The following ANKRD7 variants were observed in gnomAD, a reference collection of about 807,000 sequenced individuals.
ANKRD7 encodes ankyrin repeat domain-containing protein 7.
Under a neutral mutation model 30.8 loss-of-function variants are expected in ANKRD7, and 30 were observed. The ratio of observed to expected loss-of-function variants is 0.97; its 90% CI spans 0.73 to 1.32. The LOEUF is 1.32. ANKRD7 is among the 40% of genes most tolerant of loss of function. ANKRD7 has a pLI of 0.00. For missense variants in ANKRD7, 264 were observed against 295.7 expected (o/e 0.89, Z 0.79); for synonymous variants, 97 against 106.6 (o/e 0.91, Z 0.55).
At position 118,224,936 on chromosome 7, in the gene ANKRD7, G is replaced by A. The variant is rs1174442449; in HGVS notation, c.106G>A (p.Gly36Arg). ...LKKLHRAASV[G>R]DLKKLKEYLQ... ...GAAACTTCACAGAGCTGCTTCAGTC[G>A]GGGATTTGAAGAAGCTGAAGGAATA... The change falls in exon 1 of 7, where the codon GGG becomes AGG. Residue 36 changes from glycine to arginine, a missense_variant. Transcript: ENST00000265224. 2.5e-6 allele frequency: 4 copies of A among 1,614,128 alleles called. No homozygotes were observed. The East Asian group carries it at 6.7e-5, about 27-fold the overall frequency.
rs776419798 is a variant in ANKRD7, at chr7:118,235,611, CAAA to C, written c.469-410_469-408del. Among the ~76,000 whole-genome samples the C allele has an allele frequency of 4.4e-3, 213 of 48,334 alleles. 2 individuals are homozygous for C. The highest frequency in any genetic ancestry group is 0.015 in the African/African-American group (200 of 13,642). The allele number at this position is 48,334 out of a possible 152,430, so 31.7% of individuals were successfully genotyped here. ...TGGGCAACAGAGCAAGACTCTGTCTCAAAAAAAAAAAAAAAAAAAAAAGCGTAT... is the reference window on the plus strand; with the variant it reads ...TGGGCAACAGAGCAAGACTCTGTCTCAAAAAAAAAAAAAAAAAAAGCGTAT... On this transcript the variant is annotated intron_variant, in intron 3 of 6. Coordinates refer to ENST00000265224, the MANE Select transcript of ANKRD7 (RefSeq NM_019644.4).
rs930479924 is a variant in ANKRD7, at chr7:118,239,938, G to A, written c.742G>A (p.Gly248Arg). 75 of 1,597,394 alleles carry A rather than the reference G, an allele frequency of 4.7e-5. No individual in the cohort carries two copies. Among genetic ancestry groups the A allele is most frequent in the Non-Finnish European group, 6.3e-5 (74 of 1,169,596 alleles). Residue 248 changes from glycine (G) to arginine (R), a missense_variant, in exon 6 of 7, where the codon GGA (glycine) becomes AGA (arginine). Physicochemically the swap from Gly to Arg is moderately radical, Grantham distance 125. Transcript: ENST00000265224. ...HRYPQFTASH[G>R]KKKHAK Reference sequence around the variant, plus strand: ...ATACCCACAATTCACTGCGAGCCATGGAAAGAAGAAACATGCTAAATAGAC... The same window carrying A: ...ATACCCACAATTCACTGCGAGCCATAGAAAGAAGAAACATGCTAAATAGAC...
chr7:118,231,374 A>G (rs1809635934), intron 1 of ANKRD7, among the ~76,000 whole-genome samples: 2 of 152,066 alleles, frequency 1.3e-5, no homozygotes, highest in South Asian at 4.1e-4. Context: ...AGCCCTTAAG[A>G]TCTATACATA....
At chr7:118,238,204 A>G (rs931448309) in intron 5 of ANKRD7, among the ~76,000 whole-genome samples, 2 of 152,184 alleles carry the variant, frequency 1.3e-5, no homozygotes, top group Non-Finnish European at 2.9e-5. Flanking sequence ...AGATTGCTCC[A>G]TCATTAATTT....
At chr7:118,235,611 C>CAAAAAA (rs776419798) in intron 3 of ANKRD7, among the ~76,000 whole-genome samples, 2 of 48,340 alleles carry the variant, frequency 4.1e-5, no homozygotes, top group African/African-American at 7.3e-5. Flanking sequence ...GACTCTGTCT[C>CAAAAAA]AAAAAAAAAA....
intron 1 of ANKRD7, chr7:118,227,891 T>C (rs6961495): frequency 0.017 from 22,670 of 1,339,240 alleles, 515 homozygotes; most frequent in East Asian, 0.08. Flanking sequence ...ATTTAGCTTA[T>C]TGATAGTATT....
intron 1 of ANKRD7, among the ~76,000 whole-genome samples, chr7:118,231,614 G>A (rs531685205): frequency 6.6e-6 from 1 of 152,220 alleles, no homozygotes; most frequent in South Asian, 2.1e-4. Flanking sequence ...CTACAGCTAT[G>A]CCCTGGCCCT....
chr7:118,227,896 A>G (rs747542153), intron 1 of ANKRD7: 1 of 1,321,320 alleles, frequency 7.6e-7, no homozygotes, highest in Admixed American at 2.2e-5. Context: ...GCTTATTGAT[A>G]GTATTATGTC....
At chr7:118,227,037 A>G (rs1415734073) in intron 1 of ANKRD7, among the ~76,000 whole-genome samples, 1 of 152,050 alleles carries the variant, frequency 6.6e-6, no homozygotes, top group African/African-American at 2.4e-5. Context: ...TGTTACTCTT[A>G]TAGTTCCTTT....
intron 1 of ANKRD7, among the ~76,000 whole-genome samples, chr7:118,233,889 T>C (rs1040842307): frequency 2.0e-5 from 3 of 152,132 alleles, no homozygotes; most frequent in Non-Finnish European, 2.9e-5. Flanking sequence ...TAGGGTTCTT[T>C]AGAAGTAGAA....
At chr7:118,237,962 A>C (rs975691554) in intron 5 of ANKRD7, among the ~76,000 whole-genome samples, 4 of 152,134 alleles carry the variant, frequency 2.6e-5, no homozygotes, top group Non-Finnish European at 5.9e-5. Flanking sequence ...TCTTTTATGT[A>C]TGATTTTTTT....
chr7:118,225,067 A>G (rs565947832), intron 1 of ANKRD7, 58 bp downstream of exon 1: 3 of 1,582,996 alleles, frequency 1.9e-6, no homozygotes, highest in East Asian at 2.2e-5. Context: ...TCGTTCAACC[A>G]GAAATAAGAC....
At chr7:118,233,496 GT>G (rs1809673633) in intron 1 of ANKRD7, among the ~76,000 whole-genome samples, 1 of 151,998 alleles carries the variant, frequency 6.6e-6, no homozygotes. Flanking sequence ...TAGATGGTAA[GT>G]TATTGTGTAT....
rs962308106 is a variant in ANKRD7, at chr7:118,224,743, G to C, written c.-88G>C. 1 of 1,522,262 alleles carries C rather than the reference G, an allele frequency of 6.6e-7. No individual in the cohort carries two copies. Among genetic ancestry groups the C allele is most frequent in the Non-Finnish European group, 8.8e-7 (1 of 1,140,068 alleles). The allele number at this position is 1,522,262 out of a possible 1,614,324, so 94.3% of individuals were successfully genotyped here. A position where few individuals can be genotyped will look rare whatever the true frequency, so the allele number is the denominator to read the frequency against. ...CGTCAGGTACTGGAGAGGGCTGCCGGCCGGATGCCAGGGCAGAGGGGCAGG... is the reference window on the plus strand; with the variant it reads ...CGTCAGGTACTGGAGAGGGCTGCCGCCCGGATGCCAGGGCAGAGGGGCAGG... On this transcript the variant is annotated 5_prime_UTR_variant, in exon 1 of 7. Coordinates refer to ENST00000265224, the MANE Select transcript of ANKRD7 (RefSeq NM_019644.4).
In ANKRD7 at chr7:118,241,558, G is replaced by A. The variant is rs1302269531; in HGVS notation, c.*38-791G>A. ...TTTTTTTTTTTTTTTTTCTGTTTTT[G>A]AGGTGGAGTCTCACTCTGTCACCCA... On this transcript the variant is annotated intron_variant, in intron 6 of 6. Transcript: ENST00000265224. Among the ~76,000 whole-genome samples, 4 of 43,844 alleles carry A rather than the reference G, an allele frequency of 9.1e-5. No homozygotes were observed. In the Admixed American group the frequency reaches 1.0e-3, roughly 11 times the overall value. The allele number at this position is 43,844 out of a possible 152,430, so 28.8% of individuals were successfully genotyped here.
intron 3 of ANKRD7, among the ~76,000 whole-genome samples, chr7:118,235,335 G>A (rs762271334): frequency 3.5e-4 from 54 of 152,130 alleles, no homozygotes; most frequent in Non-Finnish European, 6.5e-4. Flanking sequence ...GTATTGAGCC[G>A]GGCATGGTGG....
At chr7:118,227,576 T>A (rs1234088155) in intron 1 of ANKRD7, among the ~76,000 whole-genome samples, 1 of 152,202 alleles carries the variant, frequency 6.6e-6, no homozygotes, top group Non-Finnish European at 1.5e-5. Flanking sequence ...GAAGGGTACT[T>A]CGGGGTTTCC....
chr7:118,236,677 A>T, intron 4 of ANKRD7, 113 bp from the exon 5 acceptor site: 1 of 1,126,172 alleles, frequency 8.9e-7, no homozygotes, highest in Non-Finnish European at 1.3e-6. Flanking sequence ...TGTTGCTTTG[A>T]CTCTTTCTGA....
chr7:118,235,534 C>A (rs1033501387), intron 3 of ANKRD7, among the ~76,000 whole-genome samples: 2 of 151,160 alleles, frequency 1.3e-5, no homozygotes, highest in South Asian at 2.1e-4. Context: ...ATGGCGTGAA[C>A]CCGGGAGGCG....
Sources: gnomAD v4.1 joint callset for allele counts (sites outside exome capture counted in the v4.1 genomes callset) on GRCh38, gnomAD v4.1.1 for gene constraint, MANE v1.5 for transcripts, NCBI Gene and HGNC (gene_info 2026-07-23, HGNC 2026-07-21) for gene names.